Variants in TARS3 observed in about 807,000 individuals in gnomAD.
TARS3 encodes the protein threonine--tRNA ligase 2, cytoplasmic.
A neutral mutation model predicts 103.5 loss-of-function variants in TARS3; 94 were observed. That is an observed-to-expected ratio of 0.91 (90% CI 0.77 to 1.08). The LOEUF (loss-of-function observed/expected upper bound fraction) is 1.08. TARS3 is among the 50% of genes least tolerant of loss of function. The probability of loss-of-function intolerance (pLI) is 0.00; values close to 1 mark genes in which losing one functional copy is unlikely to be tolerated. For synonymous variants in TARS3, 416 were observed against 355.4 expected, an observed-to-expected ratio of 1.17 and a Z score of -1.92; for missense variants, 952 against 995.2, an observed-to-expected ratio of 0.96 and a Z score of 0.58.
Position 101,663,105 on chromosome 15 carries a change from A to G in TARS3, c.1968-1289T>C, listed in dbSNP as rs1179447234. Among the ~76,000 whole-genome samples the G allele has an allele frequency of 2.0e-5, 3 of 152,228 alleles. No homozygotes were observed. The East Asian group carries it at 5.8e-4, about 29-fold the overall frequency. On this transcript the variant is annotated intron_variant, in intron 15 of 18. Transcript: ENST00000335968. ...TAGCGTATGCTTATAAATAACATCT[A>G]TAGTCATGTGTTGCCTAATGACATT...
intron 3 of TARS3, among the ~76,000 whole-genome samples, chr15:101,720,269 T>C (rs938150133): frequency 1.1e-4 from 16 of 152,216 alleles, no homozygotes; most frequent in African/African-American, 3.6e-4. Context: ...AATACAATTG[T>C]ATAGAAGCTA....
At chr15:101,656,875 A>T in intron 18 of TARS3, 47 bp downstream of exon 18, 1 of 1,169,198 alleles carries the variant, frequency 8.6e-7, no homozygotes, top group South Asian at 1.4e-5. Context: ...TTGGAATTGA[A>T]GTGGGAAAAA....
intron 18 of TARS3, among the ~76,000 whole-genome samples, chr15:101,656,202 T>C (rs578137393): frequency 6.6e-5 from 10 of 152,346 alleles, no homozygotes; most frequent in African/African-American, 2.4e-4. Flanking sequence ...TTCCAACAAA[T>C]GCTGTCTTTG....
chr15:101,654,814 T>A, intron 18 of TARS3, 84 bp from the exon 19 acceptor site: 1 of 1,336,952 alleles, frequency 7.5e-7, no homozygotes, highest in Non-Finnish European at 1.0e-6. Context: ...CATGTTTTTA[T>A]CAAGTTTTTC....
chr15:101,675,522 C>T (rs1897984228), intron 13 of TARS3, 78 bp downstream of exon 13: 1 of 1,372,078 alleles, frequency 7.3e-7, no homozygotes, highest in African/African-American at 1.5e-5. Flanking sequence ...ATTATTGCAT[C>T]CTCCTGTGAA....
At chr15:101,691,773 G>A (rs2029703) in intron 10 of TARS3, among the ~76,000 whole-genome samples, 119,897 of 151,804 alleles carry the variant, frequency 0.79, 47,605 homozygotes, top group East Asian at 0.99. Flanking sequence ...TAGATCTCTG[G>A]CCTTGTTGAT....
intron 13 of TARS3, among the ~76,000 whole-genome samples, chr15:101,673,056 T>C (rs980511938): frequency 6.6e-6 from 1 of 152,172 alleles, no homozygotes; most frequent in Admixed American, 6.5e-5. Context: ...ATCGGATACA[T>C]GAAGATGTGT....
At chr15:101,661,896 A>C (rs892571920) in intron 15 of TARS3, 80 bp from the exon 16 acceptor site, 31 of 832,206 alleles carry the variant, frequency 3.7e-5, no homozygotes, top group Non-Finnish European at 5.5e-5. Flanking sequence ...AATTTTGAGA[A>C]TAGATTTAGA....
At chr15:101,710,811 C>T in intron 5 of TARS3, among the ~76,000 whole-genome samples, 1 of 151,724 alleles carries the variant, frequency 6.6e-6, no homozygotes, top group Non-Finnish European at 1.5e-5. Flanking sequence ...AAGGCAGAAA[C>T]AAGAGAAGGA....
At chr15:101,672,906 C>T (rs1897868039) in intron 13 of TARS3, among the ~76,000 whole-genome samples, 1 of 152,090 alleles carries the variant, frequency 6.6e-6, no homozygotes, top group African/African-American at 2.4e-5. Context: ...GGAAAGAATT[C>T]TGGGGACTGC....
intron 10 of TARS3, among the ~76,000 whole-genome samples, chr15:101,687,406 AAAAG>A (rs1407859018): frequency 6.6e-6 from 1 of 152,144 alleles, no homozygotes; most frequent in African/African-American, 2.4e-5. Context: ...CCATCTCAAA[AAAAG>A]AAAGAAAATG....
In TARS3 at chr15:101,656,594, CA is replaced by C. The variant is rs530929981; in HGVS notation, c.2260+327del. ...GCCAGAAAAGTGAGGGAAAATATTA[CA>C]GGCCTGTGAGGCTGAAATATAAAGT... On this transcript the variant is annotated intron_variant, in intron 18 of 18. Transcript: ENST00000335968. Among the ~76,000 whole-genome samples the C allele has an allele frequency of 7.5e-3, 1,141 of 152,292 alleles. 10 individuals are homozygous for C. The highest frequency in any genetic ancestry group is 0.011 in the Non-Finnish European group (770 of 68,016).
intron 7 of TARS3, among the ~76,000 whole-genome samples, chr15:101,704,707 T>A (rs1408350850): frequency 6.6e-6 from 1 of 151,754 alleles, no homozygotes; most frequent in African/African-American, 2.4e-5. Flanking sequence ...AGCTTTATTT[T>A]TTTTTCAAAA....
chr15:101,712,657 A>C (rs1424871135), intron 4 of TARS3, among the ~76,000 whole-genome samples: 1 of 152,156 alleles, frequency 6.6e-6, no homozygotes, highest in East Asian at 1.9e-4. Flanking sequence ...CAAGTTCAAA[A>C]AGTTGATACT....
intron 11 of TARS3, among the ~76,000 whole-genome samples, chr15:101,685,419 C>T (rs1898426951): frequency 6.6e-6 from 1 of 152,056 alleles, no homozygotes; most frequent in Non-Finnish European, 1.5e-5. Context: ...TGATATAATG[C>T]TAAGATGCCA....
intron 3 of TARS3, among the ~76,000 whole-genome samples, chr15:101,718,416 C>T (rs1322036754): frequency 6.6e-6 from 1 of 151,964 alleles, no homozygotes; most frequent in East Asian, 1.9e-4. Flanking sequence ...AATGAGTTAT[C>T]TCAGATGAAA....
At chr15:101,654,846 C>T in intron 18 of TARS3, 116 bp from the exon 19 acceptor site, 2 of 952,358 alleles carry the variant, frequency 2.1e-6, no homozygotes, top group Non-Finnish European at 3.2e-6. Flanking sequence ...TAAATATCAT[C>T]TAATGAGCAT....
At chr15:101,654,994 T>C (rs1431216279) in intron 18 of TARS3, among the ~76,000 whole-genome samples, 3 of 152,096 alleles carry the variant, frequency 2.0e-5, no homozygotes, top group Non-Finnish European at 4.4e-5. Flanking sequence ...AGACTCACAC[T>C]GACTGCACCT....
chr15:101,723,932 G>A (rs947067335), intron 1 of TARS3, among the ~76,000 whole-genome samples, 159 bp downstream of exon 1: 2 of 140,286 alleles, frequency 1.4e-5, no homozygotes, highest in African/African-American at 5.1e-5. Flanking sequence ...AGGCCACACG[G>A]GACCACCGAG....
Sources: allele counts gnomAD v4.1 joint callset (sites outside exome capture counted in the v4.1 genomes callset), GRCh38; gene constraint gnomAD v4.1.1; transcripts MANE v1.5; gene names NCBI Gene and HGNC (gene_info 2026-07-23, HGNC 2026-07-21).